The following KCNIP4 variants were observed in gnomAD, a reference collection of about 807,000 sequenced individuals.
KCNIP4 encodes Kv channel-interacting protein 4.
Under a neutral mutation model 34.0 loss-of-function variants are expected in KCNIP4, and 12 were observed. The ratio of observed to expected loss-of-function variants is 0.35; its 90% CI spans 0.23 to 0.57. The LOEUF (loss-of-function observed/expected upper bound fraction) is 0.57, where lower values mean the gene tolerates loss of function less well. KCNIP4 is among the 20% of genes least tolerant of loss of function. The pLI, the probability that KCNIP4 is intolerant of heterozygous loss-of-function variation, is 0.83. For missense variants in KCNIP4, 238 were observed against 311.7 expected (o/e 0.76, Z 1.78); for synonymous variants, 124 against 102.2 (o/e 1.21, Z -1.29).
intron 1 of KCNIP4, among the ~76,000 whole-genome samples, chr4:20,958,536 G>A (rs1733536220): frequency 6.6e-6 from 1 of 152,156 alleles, no homozygotes; most frequent in Non-Finnish European, 1.5e-5. Context: ...GTAAAGTGTG[G>A]TTTCCCTTTA....
At chr4:20,749,459 T>G (rs1001139868) in intron 5 of KCNIP4, among the ~76,000 whole-genome samples, 1 of 152,150 alleles carries the variant, frequency 6.6e-6, no homozygotes, top group Non-Finnish European at 1.5e-5. Flanking sequence ...TGAGCCGATA[T>G]AAAGCATTAG....
intron 3 of KCNIP4, among the ~76,000 whole-genome samples, chr4:20,848,959 T>C (rs936843264): frequency 1.3e-5 from 2 of 152,206 alleles, no homozygotes; most frequent in African/African-American, 4.8e-5. Context: ...CTTTCCTTTC[T>C]GTCCTTGCTG....
At chr4:21,355,774 A>G (rs1021569252) in intron 1 of KCNIP4, among the ~76,000 whole-genome samples, 1 of 152,214 alleles carries the variant, frequency 6.6e-6, no homozygotes, top group Admixed American at 6.5e-5. Flanking sequence ...TCAAGAGTAA[A>G]AGAAGAAATC....
At chr4:21,382,747 A>G (rs1455658500) in intron 1 of KCNIP4, among the ~76,000 whole-genome samples, 1 of 152,198 alleles carries the variant, frequency 6.6e-6, no homozygotes, top group African/African-American at 2.4e-5. Context: ...TGAATTATCC[A>G]TGAAACAAAA....
intron 3 of KCNIP4, among the ~76,000 whole-genome samples, chr4:20,784,504 T>A (rs1251132526): frequency 6.6e-6 from 1 of 152,214 alleles, no homozygotes; most frequent in Non-Finnish European, 1.5e-5. Flanking sequence ...AAATTTAGGA[T>A]GACTTATTTA....
At chr4:21,618,821 G>A (rs1744795970) in intron 1 of KCNIP4, among the ~76,000 whole-genome samples, 1 of 151,604 alleles carries the variant, frequency 6.6e-6, no homozygotes, top group South Asian at 2.1e-4. Flanking sequence ...TTTTAGTAGA[G>A]ACGGGATTTC....
chr4:21,439,309 AT>A (rs992127362), intron 1 of KCNIP4, among the ~76,000 whole-genome samples: 2 of 152,092 alleles, frequency 1.3e-5, no homozygotes, highest in Non-Finnish European at 2.9e-5. Flanking sequence ...GCCATTAAAT[AT>A]TTTTCCTGTA....
intron 1 of KCNIP4, among the ~76,000 whole-genome samples, chr4:21,171,980 A>C (rs982212868): frequency 2.0e-5 from 3 of 152,334 alleles, no homozygotes; most frequent in African/African-American, 7.2e-5. Flanking sequence ...CCTAGGAGCC[A>C]ACATCTACTG....
intron 1 of KCNIP4, among the ~76,000 whole-genome samples, chr4:21,814,107 CAG>C (rs1031033688): frequency 7.9e-5 from 12 of 152,222 alleles, no homozygotes; most frequent in African/African-American, 2.6e-4. Flanking sequence ...GAAGATAAGT[CAG>C]GTTTTCGAGG....
At chr4:21,948,326 G>A (rs559413664) in intron 1 of KCNIP4, among the ~76,000 whole-genome samples, 1 of 152,080 alleles carries the variant, frequency 6.6e-6, no homozygotes, top group Non-Finnish European at 1.5e-5. Context: ...CCCTGCCACC[G>A]GCGAGTTTCA....
intron 1 of KCNIP4, among the ~76,000 whole-genome samples, chr4:21,462,766 TGTG>T (rs1214814624): frequency 4.2e-5 from 1 of 23,896 alleles, no homozygotes; most frequent in Non-Finnish European, 6.3e-5. Context: ...AGTATTCCAT[TGTG>T]TGTGTGTGTG....
At chr4:21,249,998 G>C (rs1186374593) in intron 1 of KCNIP4, among the ~76,000 whole-genome samples, 2 of 152,014 alleles carry the variant, frequency 1.3e-5, no homozygotes, top group Admixed American at 6.6e-5. Flanking sequence ...AAAGGGTTCA[G>C]AATGGTGATT....
At chr4:20,880,363 G>A (rs1442370021) in intron 2 of KCNIP4, among the ~76,000 whole-genome samples, 2 of 152,154 alleles carry the variant, frequency 1.3e-5, no homozygotes, top group African/African-American at 4.8e-5. Context: ...GAGAAGGCAG[G>A]AGTCTTATGG....
intron 1 of KCNIP4, among the ~76,000 whole-genome samples, chr4:21,731,474 C>T (rs1332191687): frequency 1.3e-5 from 2 of 152,076 alleles, no homozygotes; most frequent in African/African-American, 2.4e-5. Flanking sequence ...TCTAATCACG[C>T]TGTATTTTAG....
At chr4:21,021,003 CTGT>C (rs1200294896) in intron 1 of KCNIP4, among the ~76,000 whole-genome samples, 4 of 152,134 alleles carry the variant, frequency 2.6e-5, no homozygotes, top group Admixed American at 6.5e-5. Context: ...TTAGGGGATT[CTGT>C]TGTTGTGTGA....
rs139696783 is a variant in KCNIP4, at chr4:21,417,274, GGTGT to G, written c.61+531293_61+531296del. Among the ~76,000 whole-genome samples the G allele has an allele frequency of 9.3e-5, 14 of 150,144 alleles. No individual in the cohort carries two copies. In the South Asian group the frequency reaches 3.0e-3, roughly 32 times the overall value. On this transcript the variant is annotated intron_variant, in intron 1 of 8. Transcript: ENST00000382152. ...CATGTTGGAAAATTATGTTTCTTGA[GGTGT>G]GTGTGTGTGTGTGTGTCTGTTTGTC...
At chr4:20,945,153 C>T (rs1732061707) in intron 1 of KCNIP4, among the ~76,000 whole-genome samples, 1 of 152,154 alleles carries the variant, frequency 6.6e-6, no homozygotes, top group Admixed American at 6.5e-5. Flanking sequence ...GGAGCTGTGA[C>T]TAATTCTTAA....
intron 1 of KCNIP4, among the ~76,000 whole-genome samples, chr4:21,923,617 G>T (rs1729065345): frequency 6.6e-6 from 1 of 152,000 alleles, no homozygotes; most frequent in Admixed American, 6.6e-5. Flanking sequence ...TTTCCTTCTT[G>T]CTTCTAATAT....
chr4:21,869,746 A>AT (rs1460745366), intron 1 of KCNIP4, among the ~76,000 whole-genome samples: 1 of 148,454 alleles, frequency 6.7e-6, no homozygotes, highest in African/African-American at 2.5e-5. Flanking sequence ...AGATAGATAG[A>AT]TAGATAGATA....
Sources: allele counts gnomAD v4.1 joint callset (sites outside exome capture counted in the v4.1 genomes callset), GRCh38; gene constraint gnomAD v4.1.1; transcripts MANE v1.5; gene names NCBI Gene and HGNC (gene_info 2026-07-23, HGNC 2026-07-21).